The following EPHA6 variants were observed in gnomAD, a reference collection of about 807,000 sequenced individuals.
EPHA6 encodes ephrin type-A receptor 6.
EPHA6 carries 50 observed loss-of-function variants against 112.0 expected under a neutral mutation model. That is an observed-to-expected ratio of 0.45 (90% CI 0.36 to 0.56). The LOEUF is 0.56. Among genes scored for constraint, EPHA6 ranks in the 20% least tolerant of loss-of-function variants. The pLI is 0.00. For synonymous variants in EPHA6, 529 were observed against 490.7 expected, an observed-to-expected ratio of 1.08 and a Z score of -1.03; for missense variants, 1,280 against 1,417.4, an observed-to-expected ratio of 0.90 and a Z score of 1.56.
intron 3 of EPHA6, among the ~76,000 whole-genome samples, chr3:97,044,536 A>G (rs1220283275): frequency 1.3e-5 from 2 of 152,306 alleles, no homozygotes; most frequent in African/African-American, 2.4e-5. Flanking sequence ...CTCAGATTTT[A>G]CCAACCATGT....
At chr3:97,561,944 A>G (rs2093198633) in intron 11 of EPHA6, among the ~76,000 whole-genome samples, 1 of 152,156 alleles carries the variant, frequency 6.6e-6, no homozygotes, top group Non-Finnish European at 1.5e-5. Flanking sequence ...AAATGAAGCA[A>G]CAAAGCTTGC....
intron 3 of EPHA6, among the ~76,000 whole-genome samples, chr3:97,221,308 CAAAAAAAAAAAA>C (rs57025573): frequency 1.2e-4 from 2 of 16,392 alleles, no homozygotes; most frequent in South Asian, 4.0e-3. Context: ...GACTCTGTCT[CAAAAAAAAAAAA>C]AAAAAAAAAA....
chr3:96,980,387 G>T (rs9683285), intron 2 of EPHA6, among the ~76,000 whole-genome samples: 3 of 144,982 alleles, frequency 2.1e-5, no homozygotes, highest in Non-Finnish European at 4.6e-5. Flanking sequence ...TTTCTGAGGG[G>T]TCTGTTCTGT....
At chr3:97,612,882 A>G (rs758387322) in intron 13 of EPHA6, among the ~76,000 whole-genome samples, 3 of 152,118 alleles carry the variant, frequency 2.0e-5, no homozygotes, top group Non-Finnish European at 4.4e-5. Flanking sequence ...TGCCTGACAT[A>G]TTGCAGGTGG....
Position 97,752,176 on chromosome 3 carries a change from A to C in EPHA6, c.*3475A>C, listed in dbSNP as rs2035919828. The C allele has an allele frequency of 4.5e-6, 1 of 223,586 alleles. No homozygotes were observed. Among genetic ancestry groups the C allele is most frequent in the Non-Finnish European group, 8.9e-6 (1 of 112,078 alleles). 13.9% of individuals were successfully genotyped at this position (223,586 alleles called of 1,614,324 possible). A position where few individuals can be genotyped will look rare whatever the true frequency, so the allele number is the denominator to read the frequency against. The stretch of plus-strand genomic sequence containing the variant: ...ATCTATCAAAGTATAACCTGAATAA[A>C]ACTGCCTTCCAGCAACAGCTTTAAA... On this transcript the variant is annotated 3_prime_UTR_variant, in exon 18 of 18. Coordinates refer to ENST00000389672, the MANE Select transcript of EPHA6 (RefSeq NM_001080448.3).
intron 3 of EPHA6, among the ~76,000 whole-genome samples, chr3:97,047,856 C>G (rs1393824943): frequency 6.6e-6 from 1 of 152,030 alleles, no homozygotes. Context: ...TGGAGAAATG[C>G]TGTAGTTGAT....
intron 14 of EPHA6, among the ~76,000 whole-genome samples, chr3:97,712,584 T>G (rs1021843304): frequency 4.2e-4 from 64 of 152,338 alleles, no homozygotes; most frequent in African/African-American, 1.5e-3. Flanking sequence ...ATTATCTACC[T>G]TATAGGATGA....
intron 3 of EPHA6, among the ~76,000 whole-genome samples, chr3:97,004,395 T>C (rs1236148262): frequency 6.6e-6 from 1 of 152,200 alleles, no homozygotes; most frequent in East Asian, 1.9e-4. Context: ...TGATAATCAA[T>C]GCTGTTGAGC....
intron 1 of EPHA6, among the ~76,000 whole-genome samples, chr3:96,837,752 AAATT>A (rs1262454082): frequency 6.6e-6 from 1 of 152,162 alleles, no homozygotes; most frequent in Non-Finnish European, 1.5e-5. Flanking sequence ...AACAAAATCA[AAATT>A]AAAACAAAAT....
At chr3:97,553,536 GGA>G (rs972285969) in intron 11 of EPHA6, among the ~76,000 whole-genome samples, 4 of 151,290 alleles carry the variant, frequency 2.6e-5, no homozygotes, top group East Asian at 1.9e-4. Context: ...CATGGCTGCA[GGA>G]GAGAGAGAGA....
chr3:97,471,459 G>A (rs901565037), intron 7 of EPHA6, among the ~76,000 whole-genome samples: 1 of 151,662 alleles, frequency 6.6e-6, no homozygotes, highest in African/African-American at 2.4e-5. Context: ...GCATAAACTA[G>A]TTGCTCAATA....
At chr3:97,559,771 G>A (rs1179757949) in intron 11 of EPHA6, 1 of 354,542 alleles carries the variant, frequency 2.8e-6, no homozygotes, top group Non-Finnish European at 5.5e-6. Context: ...GCACCCTAAA[G>A]TTAAAACTGC....
At position 97,704,674 on chromosome 3, in the gene EPHA6, T is replaced by C. The variant is rs559415467; in HGVS notation, c.2785-15587T>C. Among the ~76,000 whole-genome samples, 5 of 152,298 alleles carry C rather than the reference T, an allele frequency of 3.3e-5. No homozygotes were observed. In the East Asian group the frequency reaches 9.6e-4, roughly 29 times the overall value. ...AAAGTGAATGTAAATGGTGCTTCTA[T>C]AGTATGTGATGGTCTTCAAAAAGAC... On this transcript the variant is annotated intron_variant, in intron 14 of 17. Transcript: ENST00000389672.
chr3:97,680,331 C>T (rs1432092407), intron 14 of EPHA6, among the ~76,000 whole-genome samples: 1 of 152,170 alleles, frequency 6.6e-6, no homozygotes, highest in African/African-American at 2.4e-5. Context: ...TGTAGAAACA[C>T]ACTTTCATCA....
At chr3:97,006,947 A>C (rs541156782) in intron 3 of EPHA6, among the ~76,000 whole-genome samples, 1 of 152,046 alleles carries the variant, frequency 6.6e-6, no homozygotes, top group South Asian at 2.1e-4. Context: ...TTCTAATTTG[A>C]TTGCACTGTG....
chr3:97,326,945 G>A (rs1447649405), intron 5 of EPHA6, among the ~76,000 whole-genome samples: 1 of 151,998 alleles, frequency 6.6e-6, no homozygotes. Context: ...ATTCCAAAAG[G>A]AGCTTATATC....
At chr3:97,475,136 C>G (rs59409786) in intron 7 of EPHA6, among the ~76,000 whole-genome samples, 28,650 of 151,710 alleles carry the variant, frequency 0.19, 4,040 homozygotes, top group African/African-American at 0.38. Context: ...AGAAAGAGGA[C>G]AGGTTTATGT....
intron 14 of EPHA6, among the ~76,000 whole-genome samples, chr3:97,700,768 A>G (rs1048658273): frequency 3.9e-5 from 6 of 152,210 alleles, no homozygotes; most frequent in African/African-American, 1.4e-4. Flanking sequence ...GATATTACAA[A>G]ATATTCAGTT....
At chr3:97,096,051 A>G (rs1483158910) in intron 3 of EPHA6, among the ~76,000 whole-genome samples, 3 of 152,026 alleles carry the variant, frequency 2.0e-5, no homozygotes, top group African/African-American at 7.2e-5. Flanking sequence ...CATAGGACTG[A>G]GGACCTAATA....
Sources: gnomAD v4.1 joint callset for allele counts (sites outside exome capture counted in the v4.1 genomes callset) on GRCh38, gnomAD v4.1.1 for gene constraint, MANE v1.5 for transcripts, NCBI Gene and HGNC (gene_info 2026-07-23, HGNC 2026-07-21) for gene names.